The following FBXL17 variants were observed in gnomAD, a reference collection of about 807,000 sequenced individuals.
FBXL17 encodes the protein F-box/LRR-repeat protein 17.
Under a neutral mutation model 66.2 loss-of-function variants are expected in FBXL17, and 22 were observed. That is an observed-to-expected ratio of 0.33 (90% CI 0.24 to 0.47). FBXL17 has a LOEUF of 0.47. Among genes scored for constraint, FBXL17 ranks in the 20% least tolerant of loss-of-function variants. The pLI is 1.00. For synonymous variants in FBXL17, 474 were observed against 400.5 expected (o/e 1.18, Z -2.19); for missense variants, 878 against 948.2 (o/e 0.93, Z 0.97).
intron 7 of FBXL17, among the ~76,000 whole-genome samples, chr5:108,001,298 T>C (rs1753714473): frequency 6.6e-6 from 1 of 152,210 alleles, no homozygotes; most frequent in South Asian, 2.1e-4. Flanking sequence ...AATGTTTTTA[T>C]GTTTTTAGTG....
chr5:108,188,795 T>G (rs1406371674), intron 5 of FBXL17, among the ~76,000 whole-genome samples: 1 of 152,210 alleles, frequency 6.6e-6, no homozygotes, highest in Non-Finnish European at 1.5e-5. Flanking sequence ...AAAGTTCTGC[T>G]GCAAACATAG....
At chr5:108,088,614 T>A (rs1459435644) in intron 6 of FBXL17, among the ~76,000 whole-genome samples, 1 of 139,736 alleles carries the variant, frequency 7.2e-6, no homozygotes, top group Non-Finnish European at 1.5e-5. Context: ...TGCAGGAGAA[T>A]CGCTTAAACT....
chr5:108,097,600 C>T (rs1749426116), intron 6 of FBXL17, among the ~76,000 whole-genome samples: 1 of 151,884 alleles, frequency 6.6e-6, no homozygotes, highest in South Asian at 2.1e-4. Context: ...ACCAGCCTGA[C>T]CAACATGGTG....
At position 107,863,173 on chromosome 5, in the gene FBXL17, G is replaced by A. The variant is rs146215460; in HGVS notation, c.1966-1313C>T. On this transcript the variant is annotated intron_variant, in intron 8 of 8. Transcript: ENST00000542267. ...AAAAAGGAAAACTGATACACATATC[G>A]GAGTTGAAATATGAACTGATGAATT... Among the ~76,000 whole-genome samples, 15 of 151,482 alleles carry A rather than the reference G, an allele frequency of 9.9e-5. 1 individual carries two copies. Among genetic ancestry groups the A allele is most frequent in the African/African-American group, 2.9e-4 (12 of 41,492 alleles).
At chr5:108,126,918 G>A (rs575012088) in intron 6 of FBXL17, among the ~76,000 whole-genome samples, 29 of 151,690 alleles carry the variant, frequency 1.9e-4, no homozygotes, top group African/African-American at 6.8e-4. Context: ...AAAAATAAAA[G>A]AAAAAATCTC....
At chr5:108,055,523 G>A (rs891253398) in intron 6 of FBXL17, among the ~76,000 whole-genome samples, 3 of 149,240 alleles carry the variant, frequency 2.0e-5, no homozygotes, top group Admixed American at 1.3e-4. Context: ...GCAGGAGAAT[G>A]GCGTGAACCC....
intron 6 of FBXL17, among the ~76,000 whole-genome samples, chr5:108,038,005 GCAC>G (rs1746910199): frequency 1.3e-5 from 2 of 152,032 alleles, no homozygotes; most frequent in African/African-American, 2.4e-5. Flanking sequence ...ATATGGAATG[GCAC>G]CATAAGAAGA....
At chr5:107,883,465 G>A (rs1418739791) in intron 7 of FBXL17, among the ~76,000 whole-genome samples, 1 of 151,966 alleles carries the variant, frequency 6.6e-6, no homozygotes, top group Non-Finnish European at 1.5e-5. Flanking sequence ...CAGTTGAGTG[G>A]AGGTGGGGGG....
chr5:108,209,287 T>A (rs1010240663), intron 5 of FBXL17, among the ~76,000 whole-genome samples: 7 of 152,056 alleles, frequency 4.6e-5, no homozygotes, highest in African/African-American at 1.7e-4. Flanking sequence ...TCTCTTCCTA[T>A]CTGAATACTC....
chr5:108,092,469 C>T (rs981308975), intron 6 of FBXL17, among the ~76,000 whole-genome samples: 4 of 152,024 alleles, frequency 2.6e-5, no homozygotes, highest in Admixed American at 1.3e-4. Flanking sequence ...GTACTTGCCA[C>T]CACACCTGGC....
chr5:108,086,470 G>C (rs1748973978), intron 6 of FBXL17, among the ~76,000 whole-genome samples: 1 of 152,100 alleles, frequency 6.6e-6, no homozygotes, highest in African/African-American at 2.4e-5. Flanking sequence ...GATTTCTGAA[G>C]GCTCCATGTC....
intron 6 of FBXL17, among the ~76,000 whole-genome samples, chr5:108,026,872 A>T (rs1007757642): frequency 6.6e-6 from 1 of 152,166 alleles, no homozygotes; most frequent in African/African-American, 2.4e-5. Flanking sequence ...ACATCACAAG[A>T]GGTGGCCTAC....
intron 8 of FBXL17, among the ~76,000 whole-genome samples, chr5:107,871,526 T>A (rs1748453599): frequency 6.6e-6 from 1 of 152,158 alleles, no homozygotes; most frequent in South Asian, 2.1e-4. Flanking sequence ...GAGAAAGATG[T>A]TTCCAGCCAA....
intron 7 of FBXL17, among the ~76,000 whole-genome samples, chr5:107,973,105 C>T (rs189533733): frequency 8.5e-5 from 13 of 152,270 alleles, no homozygotes; most frequent in Admixed American, 4.6e-4. Flanking sequence ...CTGCCCTCAC[C>T]AGCTCACTGA....
chr5:108,178,888 C>A (rs1343070748), intron 6 of FBXL17, among the ~76,000 whole-genome samples: 2 of 152,210 alleles, frequency 1.3e-5, no homozygotes, highest in East Asian at 3.8e-4. Flanking sequence ...CACCACTTAA[C>A]TTTAAAAGAA....
At chr5:108,342,356 T>C (rs1052394292) in intron 4 of FBXL17, among the ~76,000 whole-genome samples, 3 of 152,180 alleles carry the variant, frequency 2.0e-5, no homozygotes, top group Non-Finnish European at 4.4e-5. Flanking sequence ...ATACTAGCTT[T>C]CCTCTTTGAT....
intron 6 of FBXL17, among the ~76,000 whole-genome samples, chr5:108,095,249 TAA>T (rs201927907): frequency 4.0e-5 from 6 of 148,172 alleles, no homozygotes; most frequent in African/African-American, 7.4e-5. Context: ...ATCAAATGGT[TAA>T]AAAAAAAAAA....
intron 4 of FBXL17, among the ~76,000 whole-genome samples, chr5:108,324,781 A>G (rs1355154067): frequency 6.6e-6 from 1 of 152,062 alleles, no homozygotes; most frequent in Non-Finnish European, 1.5e-5. Context: ...CACATACACA[A>G]TGTAATATTA....
intron 6 of FBXL17, among the ~76,000 whole-genome samples, chr5:108,120,358 T>G (rs1033849771): frequency 6.6e-6 from 1 of 152,170 alleles, no homozygotes; most frequent in Non-Finnish European, 1.5e-5. Context: ...TTGACCATTA[T>G]ATAACTAAGA....
Sources: gnomAD v4.1 joint callset for allele counts (sites outside exome capture counted in the v4.1 genomes callset) on GRCh38, gnomAD v4.1.1 for gene constraint, MANE v1.5 for transcripts, NCBI Gene and HGNC (gene_info 2026-07-23, HGNC 2026-07-21) for gene names.